The following GLI2 variants were observed in gnomAD, a reference collection of about 807,000 sequenced individuals.
GLI2 encodes the protein transcription activator GLI2.
GLI2 carries 22 observed loss-of-function variants against 78.9 expected under a neutral mutation model. The observed-to-expected ratio is 0.28, with a 90% confidence interval of 0.20 to 0.40. GLI2 has a LOEUF of 0.40. Among genes scored for constraint, GLI2 ranks in the 10% least tolerant of loss-of-function variants. GLI2 has a pLI of 1.00. For missense variants in GLI2, 2,097 were observed against 2,213.2 expected (o/e 0.95, Z 1.05); for synonymous variants, 974 against 963.7 (o/e 1.01, Z -0.20).
rs552499941 is a variant in GLI2, at chr2:120,904,279, A to G, written c.149-23082A>G. ...TCAGTTACTGTAGGTAAAATCATTC[A>G]TGGATTTATTCTTTCACTCATTCTT... On this transcript the variant is annotated intron_variant, in intron 2 of 13. Coordinates refer to ENST00000361492, the MANE Select transcript of GLI2 (RefSeq NM_001374353.1). Among the ~76,000 whole-genome samples the G allele has an allele frequency of 1.6e-4, 25 of 152,304 alleles. 2 individuals are homozygous for G. The South Asian group carries it at 5.2e-3, about 32-fold the overall frequency.
At chr2:120,785,327 A>G (rs1683969099) in intron 1 of GLI2, among the ~76,000 whole-genome samples, 1 of 151,830 alleles carries the variant, frequency 6.6e-6, no homozygotes, top group African/African-American at 2.4e-5. Context: ...AAGGCAGGGC[A>G]CTCCTGTTGG....
Position 120,983,606 on chromosome 2 carries a change from G to A in GLI2, c.1632+726G>A, listed in dbSNP as rs557558267. 2.6e-5 allele frequency among the ~76,000 whole-genome samples: 4 copies of A among 152,328 alleles called. No homozygotes were observed. In the South Asian group the frequency reaches 6.2e-4, roughly 24 times the overall value. On this transcript the variant is annotated intron_variant, in intron 11 of 13. Coordinates refer to ENST00000361492, the MANE Select transcript of GLI2 (RefSeq NM_001374353.1). ...GCCGTGGCTGTCAGCCCCAGCAGAT[G>A]GGGCACAGAGCAGCCTCTGTCTCCC...
chr2:120,854,381 G>T (rs533445363), intron 2 of GLI2, among the ~76,000 whole-genome samples: 136 of 152,276 alleles, frequency 8.9e-4, no homozygotes, highest in African/African-American at 3.2e-3. Context: ...TTCCAGCCGC[G>T]CATAGCCTTC....
At chr2:120,857,757 G>T (rs1475453380) in intron 2 of GLI2, among the ~76,000 whole-genome samples, 1 of 151,932 alleles carries the variant, frequency 6.6e-6, no homozygotes, top group Non-Finnish European at 1.5e-5. Flanking sequence ...TAGCCCACAG[G>T]GGATCAACCC....
At chr2:120,752,649 TATAC>T (rs1199440168) in intron 1 of GLI2, among the ~76,000 whole-genome samples, 1 of 152,218 alleles carries the variant, frequency 6.6e-6, no homozygotes, top group African/African-American at 2.4e-5. Context: ...GCATGAAGGT[TATAC>T]ATACATTATA....
intron 3 of GLI2, among the ~76,000 whole-genome samples, chr2:120,931,801 C>T (rs746886094): frequency 2.4e-4 from 37 of 152,300 alleles, no homozygotes; most frequent in Admixed American, 1.0e-3. Context: ...GCAAGGAGAC[C>T]AGGCTCTGGG....
At chr2:120,738,327 A>G (rs757260472) in intron 1 of GLI2, among the ~76,000 whole-genome samples, 3 of 151,980 alleles carry the variant, frequency 2.0e-5, no homozygotes, top group Non-Finnish European at 4.4e-5. Context: ...TTCTCTCTTG[A>G]GGGTTACAGG....
At chr2:120,962,391 A>G (rs1207226505) in intron 5 of GLI2, among the ~76,000 whole-genome samples, 2 of 152,212 alleles carry the variant, frequency 1.3e-5, no homozygotes, top group African/African-American at 4.8e-5. Context: ...CCATGAGGAC[A>G]GGGTCAGAGG....
chr2:120,907,242 G>A (rs1558873218), intron 2 of GLI2, among the ~76,000 whole-genome samples: 1 of 152,076 alleles, frequency 6.6e-6, no homozygotes, highest in Admixed American at 6.5e-5. Flanking sequence ...CCCTCTCCTC[G>A]GCTTGGCTTC....
intron 2 of GLI2, among the ~76,000 whole-genome samples, chr2:120,902,243 A>G (rs910267014): frequency 2.1e-5 from 3 of 146,164 alleles, no homozygotes; most frequent in African/African-American, 7.7e-5. Context: ...GGTTGTTAAC[A>G]TGTGTCAGCA....
intron 12 of GLI2, among the ~76,000 whole-genome samples, chr2:120,985,926 C>T (rs1682949682): frequency 6.6e-6 from 1 of 152,242 alleles, no homozygotes. Flanking sequence ...TCATTCCTCA[C>T]CTCATCAGGG....
At chr2:120,909,517 G>T (rs1678707669) in intron 2 of GLI2, among the ~76,000 whole-genome samples, 1 of 152,178 alleles carries the variant, frequency 6.6e-6, no homozygotes, top group Non-Finnish European at 1.5e-5. Context: ...ATGCCCAGAG[G>T]TATAAAAATA....
At chr2:120,935,772 G>C (rs1195978874) in intron 3 of GLI2, among the ~76,000 whole-genome samples, 1 of 152,212 alleles carries the variant, frequency 6.6e-6, no homozygotes, top group Non-Finnish European at 1.5e-5. Flanking sequence ...AGCCAAGAAT[G>C]CACTCGCTGG....
intron 2 of GLI2, among the ~76,000 whole-genome samples, chr2:120,806,328 C>T (rs566366701): frequency 6.6e-6 from 1 of 152,246 alleles, no homozygotes; most frequent in South Asian, 2.1e-4. Flanking sequence ...TACAGATGGT[C>T]CCGAACTGTG....
At position 120,990,630 on chromosome 2, in the gene GLI2, C is replaced by T. The variant is rs568029222; in HGVS notation, c.4665C>T (p.Leu1555=). 20 of 1,613,412 alleles carry T rather than the reference C, an allele frequency of 1.2e-5. No individual in the cohort carries two copies. Among genetic ancestry groups the T allele is most frequent in the Admixed American group, 1.7e-5 (1 of 60,022 alleles). Residue 1555 remains leucine, a synonymous_variant, in exon 14 of 14, where the codon CTC becomes CTT. Coordinates refer to ENST00000361492, the MANE Select transcript of GLI2 (RefSeq NM_001374353.1). Reference sequence around the variant, plus strand: ...CTGTCGGGGACATGAGCTCCATGCTCACCAGCCTCGCCGAGGAGAGCAAGT... The same window carrying T: ...CTGTCGGGGACATGAGCTCCATGCTTACCAGCCTCGCCGAGGAGAGCAAGT... ...NMAVGDMSSM[L]TSLAEESKFL... is the part of the protein sequence containing the mutation.
At chr2:120,966,870 C>T (rs1020230290) in intron 5 of GLI2, among the ~76,000 whole-genome samples, 1 of 152,204 alleles carries the variant, frequency 6.6e-6, no homozygotes, top group Non-Finnish European at 1.5e-5. Flanking sequence ...GGAACTGCCA[C>T]GTGCATGATT....
intron 2 of GLI2, among the ~76,000 whole-genome samples, chr2:120,909,276 G>GGACA (rs1678693772): frequency 1.3e-5 from 2 of 152,000 alleles, no homozygotes; most frequent in South Asian, 2.1e-4. Context: ...GCTGGGCCCT[G>GGACA]CAGCCTCTTC....
intron 1 of GLI2, among the ~76,000 whole-genome samples, chr2:120,739,629 C>A (rs899063758): frequency 6.6e-6 from 1 of 152,242 alleles, no homozygotes; most frequent in African/African-American, 2.4e-5. Flanking sequence ...GCAGCCAGGC[C>A]AGGTGGACCT....
Position 120,879,400 on chromosome 2 carries a change from T to C in GLI2, c.149-47961T>C, listed in dbSNP as rs555465610. On this transcript the variant is annotated intron_variant, in intron 2 of 13. Transcript: ENST00000361492. The stretch of plus-strand genomic sequence containing the variant: ...AGCTTGGGTTTTGATCAGGTTTTTG[T>C]GTTAGAATCCTCATTCTGGTGGATT... Among the ~76,000 whole-genome samples, 23 of 152,308 alleles carry C rather than the reference T, an allele frequency of 1.5e-4. 2 individuals carry two copies. Among genetic ancestry groups the C allele is most frequent in the African/African-American group, 5.3e-4 (22 of 41,568 alleles).
Sources: gnomAD v4.1 joint callset for allele counts (sites outside exome capture counted in the v4.1 genomes callset) on GRCh38, gnomAD v4.1.1 for gene constraint, MANE v1.5 for transcripts, NCBI Gene and HGNC (gene_info 2026-07-23, HGNC 2026-07-21) for gene names.